The following C8A variants were observed in gnomAD, a reference collection of about 807,000 sequenced individuals.
C8A encodes complement component C8 alpha chain.
A neutral mutation model predicts 65.3 loss-of-function variants in C8A; 67 were observed. The observed-to-expected ratio is 1.03, with a 90% CI of 0.84 to 1.26. The LOEUF (loss-of-function observed/expected upper bound fraction) is 1.26, where lower values mean the gene tolerates loss of function less well. Ranked by LOEUF, C8A falls within the 50% of genes most tolerant of loss-of-function variation. C8A has a pLI of 0.00. For synonymous variants in C8A, 290 were observed against 259.4 expected, an observed-to-expected ratio of 1.12 and a Z score of -1.13; for missense variants, 781 against 723.9, an observed-to-expected ratio of 1.08 and a Z score of -0.90.
At chr1:56,908,149 A>G (rs373323902) in intron 9 of C8A, 36 bp downstream of exon 9, 5 of 1,604,432 alleles carry the variant, frequency 3.1e-6, no homozygotes, top group East Asian at 2.2e-5. Context: ...CTCTACGTCC[A>G]TGAGGAATGA....
rs144126880 is a variant in C8A at position 56,894,966 on chromosome 1, TAAC to T, written c.1096+8801_1096+8803del. On this transcript the variant is annotated intron_variant, in intron 7 of 10. Transcript: ENST00000361249. ...TTTAATACAATGTTTTTGCGTATAA[TAAC>T]ATCTACTATTTGTAGAGCATAACAC... Among the ~76,000 whole-genome samples the T allele has an allele frequency of 8.9e-3, 1,357 of 152,314 alleles. 52 individuals are homozygous for T. The South Asian group carries it at 0.12, about 13-fold the overall frequency.
At chr1:56,912,342 T>A (rs1472779007) in intron 9 of C8A, 61 bp from the exon 10 acceptor site, 18 of 1,533,966 alleles carry the variant, frequency 1.2e-5, no homozygotes, top group Middle Eastern at 1.9e-4. Flanking sequence ...GGCCGGTTCT[T>A]GGGCTCTGGG....
At chr1:56,874,327 G>A (rs1028858815) in intron 2 of C8A, among the ~76,000 whole-genome samples, 5 of 152,196 alleles carry the variant, frequency 3.3e-5, no homozygotes, top group African/African-American at 1.2e-4. Flanking sequence ...GAGGAAGTGA[G>A]TCCTTTCCCA....
chr1:56,860,028 G>A (rs995411357), intron 1 of C8A, among the ~76,000 whole-genome samples: 51 of 152,242 alleles, frequency 3.3e-4, no homozygotes, highest in African/African-American at 1.2e-3. Context: ...GTGCCACTGC[G>A]CTCCAGTCTG....
intron 1 of C8A, among the ~76,000 whole-genome samples, chr1:56,862,585 G>A (rs950243759): frequency 1.3e-5 from 2 of 152,054 alleles, no homozygotes; most frequent in Non-Finnish European, 2.9e-5. Context: ...ACTCTGCAGG[G>A]TACATTTTGA....
At chr1:56,902,202 T>A (rs1292522860) in intron 7 of C8A, among the ~76,000 whole-genome samples, 5 of 152,234 alleles carry the variant, frequency 3.3e-5, no homozygotes, top group East Asian at 1.9e-4. Flanking sequence ...CTGCTTGACT[T>A]CTGACTGTGA....
chr1:56,880,661 C>A (rs1180464706), intron 4 of C8A, among the ~76,000 whole-genome samples: 3 of 152,034 alleles, frequency 2.0e-5, no homozygotes, highest in Non-Finnish European at 2.9e-5. Context: ...TCCAATATTT[C>A]AAAGTTTTTT....
At chr1:56,885,062 GAGA>G (rs10597198) in intron 6 of C8A, among the ~76,000 whole-genome samples, 48,889 of 151,016 alleles carry the variant, frequency 0.32, 8,495 homozygotes, top group South Asian at 0.5. Context: ...AATAGATTGG[GAGA>G]AGAACAGAAG....
intron 1 of C8A, among the ~76,000 whole-genome samples, chr1:56,864,326 G>A (rs1451420063): frequency 6.6e-6 from 1 of 152,160 alleles, no homozygotes; most frequent in Non-Finnish European, 1.5e-5. Context: ...TAGAATATAG[G>A]TAAGATTGTA....
chr1:56,881,106 C>T lies in C8A; in HGVS notation c.465-339C>T, dbSNP rs565950153. 1.2e-4 allele frequency among the ~76,000 whole-genome samples: 19 copies of T among 152,300 alleles called. No individual in the cohort carries two copies. In the East Asian group the frequency reaches 3.5e-3, roughly 28 times the overall value. On this transcript the variant is annotated intron_variant, in intron 4 of 10. Transcript: ENST00000361249. ...AGGCTCAGGCCAGCCCATTTAGTCT[C>T]CAAGTGTTACCTAAAGTGGCCCATA...
chr1:56,898,058 T>C (rs1644399511), intron 7 of C8A, among the ~76,000 whole-genome samples: 1 of 151,184 alleles, frequency 6.6e-6, no homozygotes, highest in African/African-American at 2.4e-5. Flanking sequence ...TTACTAGGAG[T>C]AGAAGTTTAC....
Position 56,899,592 on chromosome 1 carries a change from C to T in C8A, c.1097-7075C>T, listed in dbSNP as rs182762390. Among the ~76,000 whole-genome samples the T allele has an allele frequency of 2.7e-3, 413 of 152,300 alleles. 29 individuals carry two copies. The South Asian group carries it at 0.079, about 29-fold the overall frequency. On this transcript the variant is annotated intron_variant, in intron 7 of 10. Coordinates refer to ENST00000361249, the MANE Select transcript of C8A (RefSeq NM_000562.3). ...TCACCGGGTGCCCTTGTCCTCCCCA[C>T]TCGCTCCTGGGCTAACCACTTATAC...
intron 4 of C8A, among the ~76,000 whole-genome samples, chr1:56,877,533 A>G (rs1644210410): frequency 6.6e-6 from 1 of 152,100 alleles, no homozygotes; most frequent in Non-Finnish European, 1.5e-5. Context: ...ACGTTCCAGT[A>G]TTGTTAGTCC....
At chr1:56,898,091 G>T (rs914339514) in intron 7 of C8A, among the ~76,000 whole-genome samples, 3 of 152,168 alleles carry the variant, frequency 2.0e-5, no homozygotes, top group African/African-American at 7.2e-5. Context: ...GGAGTTGCAT[G>T]GGAATGGTTG....
chr1:56,898,098 G>A (rs1252967449), intron 7 of C8A, among the ~76,000 whole-genome samples: 2 of 152,148 alleles, frequency 1.3e-5, no homozygotes, highest in African/African-American at 4.8e-5. Flanking sequence ...CATGGGAATG[G>A]TTGGGGCAGC....
At chr1:56,874,807 C>T in intron 2 of C8A, 142 bp from the exon 3 acceptor site, 2 of 903,010 alleles carry the variant, frequency 2.2e-6, no homozygotes, top group Non-Finnish European at 1.7e-6. Context: ...TATGCATATT[C>T]ATCCCTCAAA....
intron 9 of C8A, among the ~76,000 whole-genome samples, chr1:56,909,143 A>G (rs1308870202): frequency 1.3e-5 from 2 of 152,234 alleles, no homozygotes; most frequent in Non-Finnish European, 2.9e-5. Context: ...TTCTATTTTA[A>G]CCACAAAGGA....
chr1:56,911,394 C>T (rs541397872), intron 9 of C8A, among the ~76,000 whole-genome samples: 4 of 152,266 alleles, frequency 2.6e-5, no homozygotes, highest in Admixed American at 1.3e-4. Context: ...AAGGAGGCTC[C>T]GTGTGTCATG....
At position 56,881,615 on chromosome 1, in the gene C8A, T is replaced by C; in HGVS notation, c.635T>C (p.Phe212Ser). Residue 212 changes from phenylalanine (F) to serine (S), a missense_variant, in exon 5 of 11, where the codon TTT (phenylalanine) becomes TCT (serine). Phe to Ser is a radical substitution (Grantham distance 155). Transcript: ENST00000361249. ...AAATACTTTCGGAAACCCTACAACTTTCTGAAGTACCACTTTGAAGTAAGT... is the reference window on the plus strand; with the variant it reads ...AAATACTTTCGGAAACCCTACAACTCTCTGAAGTACCACTTTGAAGTAAGT... Reference protein sequence around the residue: ...DEKYFRKPYNFLKYHFEALAD... With the variant: ...DEKYFRKPYNSLKYHFEALAD... The C allele has an allele frequency of 6.2e-7, 1 of 1,613,260 alleles. No individual in the cohort carries two copies.
Sources: allele counts gnomAD v4.1 joint callset (sites outside exome capture counted in the v4.1 genomes callset), GRCh38; gene constraint gnomAD v4.1.1; transcripts MANE v1.5; gene names NCBI Gene and HGNC (gene_info 2026-07-23, HGNC 2026-07-21).